Variants in DLG2 observed in about 807,000 individuals in gnomAD.
DLG2 encodes the protein discs large MAGUK scaffold protein 2.
A neutral mutation model predicts 132.5 loss-of-function variants in DLG2; 45 were observed. That is an observed-to-expected ratio of 0.34 (90% confidence interval 0.27 to 0.44). The LOEUF is 0.44. Ranked by LOEUF, DLG2 falls within the 20% of genes least tolerant of loss-of-function variation. The pLI is 1.00. For missense variants in DLG2, 1,045 were observed against 1,196.9 expected (o/e 0.87, Z 1.87); for synonymous variants, 424 against 419.6 (o/e 1.01, Z -0.13).
chr11:84,547,259 A>G (rs957256977), intron 6 of DLG2, among the ~76,000 whole-genome samples: 1 of 152,164 alleles, frequency 6.6e-6, no homozygotes, highest in Non-Finnish European at 1.5e-5. Flanking sequence ...GAAAAAACTA[A>G]AGGAAAAATT....
At chr11:83,530,231 G>A (rs1230944885) in intron 21 of DLG2, among the ~76,000 whole-genome samples, 1 of 151,988 alleles carries the variant, frequency 6.6e-6, no homozygotes, top group Non-Finnish European at 1.5e-5. Flanking sequence ...TTTATGTCAT[G>A]ATGTCACATA....
chr11:84,875,513 A>C (rs1168893353), intron 6 of DLG2, among the ~76,000 whole-genome samples: 1 of 151,144 alleles, frequency 6.6e-6, no homozygotes, highest in Admixed American at 6.6e-5. Context: ...AAAAAAAAAA[A>C]CTCCACTGAT....
chr11:84,250,351 A>G (rs1239334969), intron 8 of DLG2, among the ~76,000 whole-genome samples: 2 of 152,168 alleles, frequency 1.3e-5, no homozygotes, highest in African/African-American at 4.8e-5. Context: ...AAAACTGAGA[A>G]GAGCCAGTAC....
chr11:84,344,874 T>C (rs1441230755), intron 7 of DLG2, among the ~76,000 whole-genome samples: 2 of 152,136 alleles, frequency 1.3e-5, no homozygotes, highest in African/African-American at 4.8e-5. Context: ...TCTTCTACCG[T>C]ATGGAAGGCC....
chr11:84,183,737 C>T (rs192815269), intron 8 of DLG2, among the ~76,000 whole-genome samples: 3 of 152,078 alleles, frequency 2.0e-5, no homozygotes, highest in South Asian at 2.1e-4. Flanking sequence ...CCCCTCACCC[C>T]ACAACAGGCC....
intron 6 of DLG2, among the ~76,000 whole-genome samples, chr11:84,556,210 T>C (rs1471180438): frequency 6.6e-6 from 1 of 152,190 alleles, no homozygotes; most frequent in African/African-American, 2.4e-5. Flanking sequence ...CAGGACATGG[T>C]CAGGTAGCAG....
chr11:84,297,653 A>G (rs1291903345), intron 7 of DLG2, among the ~76,000 whole-genome samples: 1 of 151,982 alleles, frequency 6.6e-6, no homozygotes, highest in Non-Finnish European at 1.5e-5. Context: ...CTCACTGTAT[A>G]CAATACATCA....
chr11:84,059,244 G>A lies in DLG2; in HGVS notation c.919+71C>T, dbSNP rs558119460. Reference sequence around the variant, plus strand: ...TCAGAGGTTAAAGAGTTCATCATACGACTATCGTGGCATAAACTTCAGTCA... The same window carrying A: ...TCAGAGGTTAAAGAGTTCATCATACAACTATCGTGGCATAAACTTCAGTCA... On this transcript the variant is annotated intron_variant, in intron 11 of 27. Transcript: ENST00000376104. 5 of 1,453,146 alleles carry A rather than the reference G, an allele frequency of 3.4e-6. No homozygotes were observed. In the African/African-American group the frequency reaches 4.2e-5, roughly 12 times the overall value. 90.0% of individuals were successfully genotyped at this position (1,453,146 alleles called of 1,614,324 possible).
At chr11:84,498,240 T>G (rs1219147020) in intron 7 of DLG2, among the ~76,000 whole-genome samples, 1 of 152,228 alleles carries the variant, frequency 6.6e-6, no homozygotes, top group Non-Finnish European at 1.5e-5. Context: ...ATGCCTACAT[T>G]GTGTTTCTAT....
chr11:85,450,056 G>C (rs927630851), intron 3 of DLG2, among the ~76,000 whole-genome samples: 2 of 152,072 alleles, frequency 1.3e-5, no homozygotes. Context: ...GAACCCAGGA[G>C]GCAGAGGTTG....
At chr11:85,129,131 A>G (rs1464890861) in intron 5 of DLG2, among the ~76,000 whole-genome samples, 1 of 152,216 alleles carries the variant, frequency 6.6e-6, no homozygotes, top group African/African-American at 2.4e-5. Flanking sequence ...CAGAAGTGAT[A>G]TCTGTGACAA....
At chr11:83,885,093 C>T (rs907219644) in intron 15 of DLG2, among the ~76,000 whole-genome samples, 5 of 152,188 alleles carry the variant, frequency 3.3e-5, no homozygotes, top group Non-Finnish European at 5.9e-5. Flanking sequence ...CAAAGCTGGA[C>T]AGAGAATGAC....
At chr11:84,342,160 C>T (rs2098518031) in intron 7 of DLG2, among the ~76,000 whole-genome samples, 1 of 152,048 alleles carries the variant, frequency 6.6e-6, no homozygotes, top group Non-Finnish European at 1.5e-5. Context: ...ATTTGAAGCT[C>T]ACCCAGGAGA....
intron 12 of DLG2, among the ~76,000 whole-genome samples, chr11:83,979,143 T>C (rs1335825208): frequency 6.6e-6 from 1 of 152,140 alleles, no homozygotes; most frequent in African/African-American, 2.4e-5. Context: ...ACACAAAGCT[T>C]ACTGAACACA....
chr11:84,420,830 G>T (rs1035541361), intron 7 of DLG2, among the ~76,000 whole-genome samples: 2 of 150,572 alleles, frequency 1.3e-5, no homozygotes, highest in Non-Finnish European at 3.0e-5. Context: ...CACCACGCCC[G>T]GCTAATTTTT....
At chr11:83,640,918 A>G (rs1198333831) in intron 18 of DLG2, among the ~76,000 whole-genome samples, 1 of 152,186 alleles carries the variant, frequency 6.6e-6, no homozygotes, top group Non-Finnish European at 1.5e-5. Context: ...GTACCTTGGA[A>G]TCAGAGTTTC....
intron 6 of DLG2, among the ~76,000 whole-genome samples, chr11:84,695,449 C>T (rs1374481010): frequency 1.3e-5 from 2 of 151,468 alleles, no homozygotes; most frequent in East Asian, 1.9e-4. Flanking sequence ...TAACATATGG[C>T]CCCCAAATTA....
At chr11:83,953,824 T>C (rs1187517437) in intron 14 of DLG2, among the ~76,000 whole-genome samples, 1 of 152,222 alleles carries the variant, frequency 6.6e-6, no homozygotes, top group Admixed American at 6.5e-5. Context: ...GTGTTCATGA[T>C]AGTGGTTAAC....
intron 3 of DLG2, among the ~76,000 whole-genome samples, chr11:85,326,334 G>A (rs1161159961): frequency 7.0e-6 from 1 of 143,088 alleles, no homozygotes; most frequent in Non-Finnish European, 1.5e-5. Context: ...ATTCACCAAA[G>A]TTGAAATGAA....
Sources: gnomAD v4.1 joint callset for allele counts (sites outside exome capture counted in the v4.1 genomes callset) on GRCh38, gnomAD v4.1.1 for gene constraint, MANE v1.5 for transcripts, NCBI Gene and HGNC (gene_info 2026-07-23, HGNC 2026-07-21) for gene names.